VPS13A: variants seen among roughly 807,000 people sequenced by gnomAD.
VPS13A encodes the protein intermembrane lipid transfer protein VPS13A.
VPS13A carries 264 observed loss-of-function variants against 390.9 expected under a neutral mutation model. The observed-to-expected ratio is 0.68, with a 90% CI of 0.61 to 0.75. The LOEUF is 0.75. Ranked by LOEUF, VPS13A falls within the 30% of genes least tolerant of loss-of-function variation. The pLI, the probability that VPS13A is intolerant of heterozygous loss-of-function variation, is 0.00. For missense variants in VPS13A, 3,409 were observed against 3,733.9 expected (o/e 0.91, Z 2.27); for synonymous variants, 1,231 against 1,227.1 (o/e 1.00, Z -0.07).
At chr9:77,318,100 C>T (rs1829513534) in intron 40 of VPS13A, 135 bp from the exon 41 acceptor site, 2 of 525,328 alleles carry the variant, frequency 3.8e-6, no homozygotes, top group Non-Finnish European at 6.3e-6. Context: ...ATTTTATAAA[C>T]AATAAATTGT....
intron 3 of VPS13A, among the ~76,000 whole-genome samples, chr9:77,202,786 A>T (rs1478576963): frequency 6.6e-6 from 1 of 152,286 alleles, no homozygotes; most frequent in East Asian, 1.9e-4. Flanking sequence ...TTTTAGTGAT[A>T]ATATAAGATA....
Position 77,405,932 on chromosome 9 carries a change from A to G in VPS13A, c.9344A>G (p.Glu3115Gly), listed in dbSNP as rs1385201365. 3 of 1,613,906 alleles carry G rather than the reference A, an allele frequency of 1.9e-6. No individual in the cohort carries two copies. Reference protein sequence around the residue: ...LTCEWQYSFDEFTKEPFIVHG... With the variant: ...LTCEWQYSFDGFTKEPFIVHG... The stretch of plus-strand genomic sequence containing the variant: ...TGTGAGTGGCAGTATAGTTTTGATG[A>G]ATTTACCAAAGAGCCATTCATTGTT... Residue 3115 changes from glutamate (E) to glycine (G), a missense_variant, in exon 70 of 72, where the codon GAA becomes GGA. Glu to Gly is a moderately conservative substitution (Grantham distance 98, BLOSUM62 -2). Transcript: ENST00000360280.
At chr9:77,393,501 C>G (rs1833984650) in intron 68 of VPS13A, among the ~76,000 whole-genome samples, 1 of 152,222 alleles carries the variant, frequency 6.6e-6, no homozygotes, top group African/African-American at 2.4e-5. Context: ...AGAAGAATCA[C>G]TCCCTGTGGC....
rs150622090 is a variant in VPS13A, at chr9:77,285,964, A to G, written c.3339+2314A>G. Among the ~76,000 whole-genome samples, 79 of 152,252 alleles carry G rather than the reference A, an allele frequency of 5.2e-4. No individual in the cohort carries two copies. In the East Asian group the frequency reaches 0.013, roughly 25 times the overall value. On this transcript the variant is annotated intron_variant, in intron 31 of 71. Transcript: ENST00000360280. ...ATCTTGCTGATTATGTTTTCATGCT[A>G]TTTAACATGTTACTGTATCCTGTGT...
intron 71 of VPS13A, among the ~76,000 whole-genome samples, chr9:77,409,736 A>G (rs1819118334): frequency 6.6e-6 from 1 of 151,142 alleles, no homozygotes; most frequent in Non-Finnish European, 1.5e-5. Flanking sequence ...AAGCGAGAAG[A>G]GAAGTTTAGA....
chr9:77,406,277 C>CTAT (rs1274238410), intron 70 of VPS13A, among the ~76,000 whole-genome samples: 1 of 152,164 alleles, frequency 6.6e-6, no homozygotes, highest in African/African-American at 2.4e-5. Flanking sequence ...TGGATAGTGG[C>CTAT]TATTAGCCTG....
At chr9:77,333,426 A>ATTTTTT (rs34369162) in intron 46 of VPS13A, among the ~76,000 whole-genome samples, 62 of 107,656 alleles carry the variant, frequency 5.8e-4, no homozygotes, top group Non-Finnish European at 9.3e-4. Flanking sequence ...CTCATTAGGC[A>ATTTTTT]TTTTTTTTTT....
chr9:77,319,598 T>A lies in VPS13A; in HGVS notation c.5340T>A (p.Gly1780=), dbSNP rs745891519. 1.9e-6 allele frequency: 3 copies of A among 1,610,478 alleles called. No homozygotes were observed. The South Asian group carries it at 3.3e-5, about 18-fold the overall frequency. The part of the protein sequence containing the change: ...LEVHYYNEMF[G]VWEPLLEPLE... ...TGCATTATTATAATGAAATGTTTGG[T>A]GTATGGGAGCCTTTGCTTGAACCCT... The change falls in exon 42 of 72, where the codon GGT becomes GGA. Residue 1780 remains glycine (G), a synonymous_variant. Transcript: ENST00000360280.
chr9:77,415,910 C>G, intron 71 of VPS13A, 46 bp from the exon 72 acceptor site: 2 of 1,606,828 alleles, frequency 1.2e-6, no homozygotes, highest in Non-Finnish European at 1.7e-6. Context: ...TGTTTCATTA[C>G]AAGTTCACTG....
rs1382870991 is a variant in VPS13A, at chr9:77,278,311, G to A, written c.2825-1848G>A. 1.0e-4 allele frequency among the ~76,000 whole-genome samples: 15 copies of A among 144,430 alleles called. No homozygotes were observed. The East Asian group carries it at 3.1e-3, about 30-fold the overall frequency. The allele number at this position is 144,430 out of a possible 152,430, so 94.8% of individuals were successfully genotyped here. On this transcript the variant is annotated intron_variant, in intron 26 of 71. Coordinates refer to ENST00000360280, the MANE Select transcript of VPS13A (RefSeq NM_033305.3). ...CATAGTCTCAATCTCCTGACCTCGTGATCCGCCCGCCTTGGCCTCCCAAAG... is the reference window on the plus strand; with the variant it reads ...CATAGTCTCAATCTCCTGACCTCGTAATCCGCCCGCCTTGGCCTCCCAAAG...
At chr9:77,351,167 A>T in intron 52 of VPS13A, 150 bp from the exon 53 acceptor site, 1 of 952,224 alleles carries the variant, frequency 1.1e-6, no homozygotes, top group Admixed American at 2.6e-5. Flanking sequence ...CCCTTTTTTA[A>T]TTGTATAAGG....
At chr9:77,362,714 A>G (rs73449968) in intron 59 of VPS13A, among the ~76,000 whole-genome samples, 1 of 152,216 alleles carries the variant, frequency 6.6e-6, no homozygotes, top group Admixed American at 6.5e-5. Context: ...AAGTATTGCC[A>G]TCCTAACAGT....
In VPS13A at chr9:77,206,053, A is replaced by C. The variant is rs768897133; in HGVS notation, c.359A>C (p.Glu120Ala). 13 of 1,580,380 alleles carry C rather than the reference A, an allele frequency of 8.2e-6. No individual in the cohort carries two copies. The highest frequency in any genetic ancestry group is 4.0e-5 in the African/African-American group (3 of 74,332). Residue 120 changes from glutamate to alanine, a missense_variant, in exon 5 of 72, where the codon GAA becomes GCA. Transcript: ENST00000360280. ...CAACAGGAACTGAAAAGAATAGAAG[A>C]AGCAAAACAAAAAGTAGTTGATCAA... ...AKQQELKRIE[E>A]AKQKVVDQEQ... is the part of the protein sequence containing the mutation.
intron 68 of VPS13A, among the ~76,000 whole-genome samples, chr9:77,386,449 G>T (rs899716964): frequency 1.3e-5 from 2 of 151,790 alleles, no homozygotes; most frequent in South Asian, 4.2e-4. Flanking sequence ...TTCATGGAAT[G>T]GGATTCATAA....
At position 77,231,895 on chromosome 9, in the gene VPS13A, C is replaced by T. The variant is rs570911996; in HGVS notation, c.1595+3631C>T. 2.6e-5 allele frequency among the ~76,000 whole-genome samples: 4 copies of T among 152,224 alleles called. No individual in the cohort carries two copies. In the South Asian group the frequency reaches 6.2e-4, roughly 24 times the overall value. ...TTTATACTTCTGTCGCTTACATATA[C>T]GTTTATGACCTGTATTGAGTTAATT... is the stretch of plus-strand genomic sequence containing the variant. On this transcript the variant is annotated intron_variant, in intron 17 of 71. Transcript: ENST00000360280.
intron 67 of VPS13A, among the ~76,000 whole-genome samples, chr9:77,379,065 C>CTTTTTTTTTTTTTT (rs71503211): frequency 2.8e-5 from 2 of 72,364 alleles, no homozygotes; most frequent in Non-Finnish European, 2.4e-5. Context: ...ATTTTCAGTC[C>CTTTTTTTTTTTTTT]TTTTTTTTTT....
intron 7 of VPS13A, among the ~76,000 whole-genome samples, chr9:77,211,926 C>T (rs575676024): frequency 6.6e-6 from 1 of 152,162 alleles, no homozygotes; most frequent in East Asian, 1.9e-4. Flanking sequence ...AGGTGGCATT[C>T]GATTCTCGTA....
At chr9:77,214,916 G>A (rs1281416773) in intron 10 of VPS13A, among the ~76,000 whole-genome samples, 1 of 152,168 alleles carries the variant, frequency 6.6e-6, no homozygotes, top group African/African-American at 2.4e-5. Flanking sequence ...GGCACACACT[G>A]CCACACCTGG....
chr9:77,373,141 A>G (rs1379930671), intron 67 of VPS13A, among the ~76,000 whole-genome samples: 1 of 151,938 alleles, frequency 6.6e-6, no homozygotes, highest in East Asian at 1.9e-4. Flanking sequence ...ACTACTTTAA[A>G]GTTCATATGG....
Sources: allele counts gnomAD v4.1 joint callset (sites outside exome capture counted in the v4.1 genomes callset), GRCh38; gene constraint gnomAD v4.1.1; transcripts MANE v1.5; gene names NCBI Gene and HGNC (gene_info 2026-07-23, HGNC 2026-07-21).